MYH11: variants seen among roughly 807,000 people sequenced by gnomAD.
MYH11 encodes myosin heavy chain 11.
MYH11 carries 80 observed loss-of-function variants against 246.6 expected under a neutral mutation model. The ratio of observed to expected loss-of-function variants is 0.32; its 90% CI spans 0.27 to 0.39. The LOEUF (loss-of-function observed/expected upper bound fraction) is 0.39. Among genes scored for constraint, MYH11 ranks in the 10% least tolerant of loss-of-function variants. MYH11 has a pLI of 1.00. For synonymous variants in MYH11, 1,071 were observed against 1,015.5 expected, an observed-to-expected ratio of 1.05 and a Z score of -1.04; for missense variants, 2,158 against 2,546.8, an observed-to-expected ratio of 0.85 and a Z score of 3.29.
At chr16:15,730,730 T>C (rs374679886) in intron 27 of MYH11, among the ~76,000 whole-genome samples, 2 of 152,068 alleles carry the variant, frequency 1.3e-5, no homozygotes, top group East Asian at 3.9e-4. Flanking sequence ...CTGAGGGTAA[T>C]GTAACTCAGG....
chr16:15,727,027 G>C lies in MYH11; in HGVS notation c.3679C>G (p.Gln1227Glu), dbSNP rs1256500194. 1 of 1,611,844 alleles carries C rather than the reference G, an allele frequency of 6.2e-7. No individual in the cohort carries two copies. Among genetic ancestry groups the C allele is most frequent in the Non-Finnish European group, 8.5e-7 (1 of 1,178,886 alleles). ...TCTGCGTTCTCTTTCTCCAGCGTCT[G>C]CTTATTCTTGTCTAGGTTCGCCTTG... ...RAKANLDKNK[Q>E]TLEKENADLA... Residue 1227 changes from glutamine (Q) to glutamate (E), a missense_variant, in exon 28 of 41, where the codon CAG (glutamine) becomes GAG (glutamate). Gln to Glu is a conservative substitution (Grantham distance 29). Coordinates refer to ENST00000300036, the MANE Select transcript of MYH11 (RefSeq NM_002474.3).
At chr16:15,793,646 G>C (rs1207864167) in intron 4 of MYH11, among the ~76,000 whole-genome samples, 9 of 123,916 alleles carry the variant, frequency 7.3e-5, no homozygotes, top group Non-Finnish European at 1.3e-4. Flanking sequence ...TTGAGACAGA[G>C]TCTCGCTCTG....
At position 15,736,410 on chromosome 16, in the gene MYH11, C is replaced by G. The variant is rs536939910; in HGVS notation, c.3294-832G>C. Among the ~76,000 whole-genome samples the G allele has an allele frequency of 2.6e-5, 4 of 152,250 alleles. No individual in the cohort carries two copies. The East Asian group carries it at 7.7e-4, about 29-fold the overall frequency. ...CCTCCCATCTCAGCCTCCTGAGTAG[C>G]TGGGACTACAGGCACACACCACCAT... On this transcript the variant is annotated intron_variant, in intron 25 of 40. Coordinates refer to ENST00000300036, the MANE Select transcript of MYH11 (RefSeq NM_002474.3).
At chr16:15,851,584 C>G (rs1355564336) in intron 1 of MYH11, among the ~76,000 whole-genome samples, 1 of 152,028 alleles carries the variant, frequency 6.6e-6, no homozygotes, top group African/African-American at 2.4e-5. Context: ...TGCCCCTGAC[C>G]CTACTCCACC....
intron 1 of MYH11, among the ~76,000 whole-genome samples, chr16:15,841,088 C>A (rs773085155): frequency 3.3e-4 from 50 of 152,010 alleles, no homozygotes; most frequent in Admixed American, 9.2e-4. Context: ...ACCCTAACAC[C>A]CCAAAAAGGG....
chr16:15,846,808 A>G (rs1040805802), intron 1 of MYH11, among the ~76,000 whole-genome samples: 4 of 152,062 alleles, frequency 2.6e-5, no homozygotes, highest in Non-Finnish European at 5.9e-5. Context: ...ACAAAAATTA[A>G]CCGGTTGTGA....
chr16:15,805,041 G>A (rs1310403422), intron 3 of MYH11, among the ~76,000 whole-genome samples: 1 of 152,066 alleles, frequency 6.6e-6, no homozygotes, highest in Non-Finnish European at 1.5e-5. Flanking sequence ...CTGAAACATC[G>A]TCTTGGGAGT....
chr16:15,828,775 A>G (rs2043641332), intron 2 of MYH11, among the ~76,000 whole-genome samples: 1 of 150,202 alleles, frequency 6.7e-6, no homozygotes, highest in Admixed American at 6.7e-5. Context: ...CCTGGGCAAC[A>G]GAGTGAGACT....
intron 4 of MYH11, among the ~76,000 whole-genome samples, chr16:15,793,305 C>T (rs74963987): frequency 0.013 from 1,903 of 151,962 alleles, 81 homozygotes; most frequent in Admixed American, 0.087. Flanking sequence ...TCCTTTCCTT[C>T]CTTCCTGTCT....
intron 11 of MYH11, among the ~76,000 whole-genome samples, chr16:15,760,194 A>T (rs2041836125): frequency 6.6e-6 from 1 of 151,758 alleles, no homozygotes; most frequent in Non-Finnish European, 1.5e-5. Flanking sequence ...GGGTGGATGC[A>T]TGGACAGATG....
rs773440263 is a variant in MYH11, at chr16:15,750,089, G to A, written c.2058+49C>T. The A allele has an allele frequency of 1.9e-6, 3 of 1,610,140 alleles. No individual in the cohort carries two copies. Among genetic ancestry groups the A allele is most frequent in the South Asian group, 2.2e-5 (2 of 90,892 alleles). The stretch of plus-strand genomic sequence containing the variant: ...GCCCTGGGGACGCTGTGACCGCTTG[G>A]GACAGCCCTGGCTTCTGGGAGCCCC... On this transcript the variant is annotated intron_variant, in intron 16 of 40. Coordinates refer to ENST00000300036, the MANE Select transcript of MYH11 (RefSeq NM_002474.3). The surrounding 1 kb of genome is among the most constrained non-coding windows in gnomAD (Gnocchi z 4.3).
chr16:15,745,263 G>A (rs771297724), intron 19 of MYH11, 26 bp from the exon 20 acceptor site: 92 of 1,559,432 alleles, frequency 5.9e-5, no homozygotes, highest in East Asian at 1.3e-4. Flanking sequence ...GAGAAGGTGC[G>A]GGGGTCATGA....
chr16:15,729,794 G>A (rs1412146327), intron 27 of MYH11, among the ~76,000 whole-genome samples: 4 of 151,652 alleles, frequency 2.6e-5, no homozygotes, highest in African/African-American at 7.3e-5. Context: ...CAGGTGATCT[G>A]CCTGCCTCGG....
chr16:15,776,037 G>A (rs1468433312), intron 8 of MYH11, 41 bp downstream of exon 8: 3 of 1,426,778 alleles, frequency 2.1e-6, no homozygotes, highest in Non-Finnish European at 3.0e-6. Context: ...TGAAAGGGAA[G>A]GCTCAAGCCA....
intron 4 of MYH11, among the ~76,000 whole-genome samples, chr16:15,796,901 G>C (rs2042754167): frequency 6.6e-6 from 1 of 152,242 alleles, no homozygotes; most frequent in African/African-American, 2.4e-5. Flanking sequence ...CTCATAGCTA[G>C]GTAGCATTAT....
At chr16:15,721,683 G>A (rs371572720) in intron 31 of MYH11, 49 bp from the exon 32 acceptor site, 37 of 1,594,054 alleles carry the variant, frequency 2.3e-5, no homozygotes, top group Admixed American at 2.2e-4. Context: ...CGGGGTCAGC[G>A]TCACTGAATT....
intron 4 of MYH11, among the ~76,000 whole-genome samples, chr16:15,797,279 T>G (rs117142785): frequency 6.6e-6 from 1 of 152,292 alleles, no homozygotes; most frequent in East Asian, 1.9e-4. Context: ...TAGTTTTTAA[T>G]TGTCCTTCCA....
At chr16:15,710,867 G>A (rs751007723) in intron 40 of MYH11, among the ~76,000 whole-genome samples, 5 of 152,062 alleles carry the variant, frequency 3.3e-5, no homozygotes, top group Non-Finnish European at 7.4e-5. Context: ...TAGTAGAGAT[G>A]AAGTTTCACC....
intron 10 of MYH11, 55 bp downstream of exon 10, chr16:15,763,741 T>TCCCCCCACC: frequency 3.1e-6 from 2 of 646,862 alleles, no homozygotes; most frequent in Admixed American, 2.1e-5. Flanking sequence ...AAATGTCACC[T>TCCCCCCACC]CCCCCACCCC....
Sources: allele counts gnomAD v4.1 joint callset (sites outside exome capture counted in the v4.1 genomes callset), GRCh38; gene constraint gnomAD v4.1.1; non-coding constraint Gnocchi (gnomAD v3.1); transcripts MANE v1.5; gene names NCBI Gene and HGNC (gene_info 2026-07-23, HGNC 2026-07-21).